The following TNNI1 variants were observed in gnomAD, a reference collection of about 807,000 sequenced individuals.
The protein encoded by TNNI1 is troponin I, slow skeletal muscle.
In TNNI1, 14 loss-of-function variants were observed where a neutral mutation model predicts 26.7. The observed-to-expected ratio is 0.52, with a 90% CI of 0.35 to 0.82. The LOEUF (loss-of-function observed/expected upper bound fraction) is 0.82, where lower values mean the gene tolerates loss of function less well. TNNI1 is among the 40% of genes least tolerant of loss of function. TNNI1 has a pLI of 0.01. For synonymous variants in TNNI1, 79 were observed against 98.2 expected, an observed-to-expected ratio of 0.80 and a Z score of 1.16; for missense variants, 164 against 257.0, an observed-to-expected ratio of 0.64 and a Z score of 2.47.
intron 8 of TNNI1, 110 bp from the exon 9 acceptor site, chr1:201,409,360 G>A (rs12048410): frequency 0.16 from 24,818 of 152,174 alleles, 2,074 homozygotes; most frequent in East Asian, 0.26. Context: ...CAGCCCTAGC[G>A]CACCCCGGAC....
chr1:201,421,553 C>G (rs1037599366), intron 1 of TNNI1, 120 bp downstream of exon 1: 1 of 152,226 alleles, frequency 6.6e-6, no homozygotes. Context: ...AACAAACCAA[C>G]TGCACAGGCA....
rs972578039 is a variant in TNNI1 at position 201,403,846 on chromosome 1, G to C, written c.*5407C>G. On this transcript the variant is annotated 3_prime_UTR_variant, in exon 9 of 9. Coordinates refer to ENST00000361379, the MANE Select transcript of TNNI1 (RefSeq NM_003281.4). Reference sequence around the variant, plus strand: ...GTAGTAACATTATGAAGAGAACCAAGAGAATAACAAACACAAAATTGAGGA... The same window carrying C: ...GTAGTAACATTATGAAGAGAACCAACAGAATAACAAACACAAAATTGAGGA... 1 of 152,164 alleles carries C rather than the reference G, an allele frequency of 6.6e-6. No homozygotes were observed. Among genetic ancestry groups the C allele is most frequent in the Non-Finnish European group, 1.5e-5 (1 of 68,028 alleles). 9.4% of individuals were successfully genotyped at this position (152,164 alleles called of 1,614,324 possible).
intron 6 of TNNI1, 81 bp downstream of exon 6, chr1:201,412,951 G>A (rs1662663716): frequency 3.6e-6 from 5 of 1,406,832 alleles, no homozygotes; most frequent in Non-Finnish European, 4.0e-6. Context: ...GGAAGGAGGG[G>A]ACCTCCCATG....
At chr1:201,414,036 TA>T (rs1662688336) in intron 5 of TNNI1, among the ~76,000 whole-genome samples, 1 of 152,204 alleles carries the variant, frequency 6.6e-6, no homozygotes, top group South Asian at 2.1e-4. Context: ...ACAAAAATAA[TA>T]AAAATTAAAA....
rs930215440 is a variant in TNNI1, at chr1:201,405,957, G to A, written c.*3296C>T. 1.3e-5 allele frequency: 2 copies of A among 152,486 alleles called. No individual in the cohort carries two copies. The highest frequency in any genetic ancestry group is 4.8e-5 in the African/African-American group (2 of 41,470). The allele number at this position is 152,486 out of a possible 1,614,324, so 9.4% of individuals were successfully genotyped here. On this transcript the variant is annotated 3_prime_UTR_variant, in exon 9 of 9. Transcript: ENST00000361379. ...CACCCTATCCCTCCACTCTCAGCCA[G>A]GGCCCCATGTTGGAGGAAGGCCTCA...
At position 201,405,098 on chromosome 1, in the gene TNNI1, T is replaced by A. The variant is rs1323808696; in HGVS notation, c.*4155A>T. The stretch of plus-strand genomic sequence containing the variant: ...GAGATGGGCAGCCTGTTCAGATCCC[T>A]GGGCGTTTGCCTCTGGCCAGGAGAC... On this transcript the variant is annotated 3_prime_UTR_variant, in exon 9 of 9. Transcript: ENST00000361379. The A allele has an allele frequency of 6.6e-6, 1 of 152,318 alleles. No individual in the cohort carries two copies. The highest frequency in any genetic ancestry group is 1.5e-5 in the Non-Finnish European group (1 of 68,076). The allele number at this position is 152,318 out of a possible 1,614,324, so 9.4% of individuals were successfully genotyped here. A position where few individuals can be genotyped will look rare whatever the true frequency, so the allele number is the denominator to read the frequency against.
intron 4 of TNNI1, among the ~76,000 whole-genome samples, chr1:201,414,853 C>A (rs539268356): frequency 1.3e-5 from 2 of 152,244 alleles, no homozygotes; most frequent in Non-Finnish European, 2.9e-5. Context: ...TTGTTTTCCC[C>A]GGACAGTCTT....
At chr1:201,414,359 G>A (rs1057507816) in intron 5 of TNNI1, among the ~76,000 whole-genome samples, 159 bp downstream of exon 5, 1 of 152,224 alleles carries the variant, frequency 6.6e-6, no homozygotes, top group Non-Finnish European at 1.5e-5. Flanking sequence ...CACCTCACAG[G>A]TGGTTGTGAA....
intron 8 of TNNI1, chr1:201,410,123 G>A (rs183700090): frequency 2.4e-5 from 12 of 507,272 alleles, no homozygotes; most frequent in Admixed American, 1.0e-4. Flanking sequence ...AAAAAGGGCC[G>A]CCAAACAGAA....
At chr1:201,418,340 C>T (rs543476980) in intron 1 of TNNI1, among the ~76,000 whole-genome samples, 155 of 151,874 alleles carry the variant, frequency 1.0e-3, no homozygotes, top group Non-Finnish European at 1.8e-3. Context: ...TGGTGGTGCA[C>T]GCCTATAGTC....
intron 3 of TNNI1, among the ~76,000 whole-genome samples, chr1:201,416,606 G>A (rs919352914): frequency 2.6e-5 from 4 of 152,200 alleles, no homozygotes; most frequent in Admixed American, 6.5e-5. Flanking sequence ...TAAGTCTGGA[G>A]TGTATAGAAT....
chr1:201,420,965 T>C (rs1662846531), intron 1 of TNNI1, among the ~76,000 whole-genome samples: 1 of 152,170 alleles, frequency 6.6e-6, no homozygotes, highest in Admixed American at 6.5e-5. Context: ...CACTGGCTCC[T>C]GTGCCCCAAC....
rs1220244602 is a variant in TNNI1, at chr1:201,413,046, G to A, written c.265C>T (p.His89Tyr). 6.2e-7 allele frequency: 1 copy of A among 1,614,030 alleles called. No individual in the cohort carries two copies. The highest frequency in any genetic ancestry group is 8.5e-7 in the Non-Finnish European group (1 of 1,179,922). ...ERYDIEAKCL[H>Y]NTREIKDLKL... The stretch of plus-strand genomic sequence containing the variant: ...CTTAGACTCACCTCCCTGGTGTTGT[G>A]GAGGCATTTGGCCTCAATGTCGTAT... Residue 89 changes from histidine to tyrosine, a missense_variant, in exon 6 of 9, where the codon CAC becomes TAC. By Grantham distance (83) the His-to-Tyr change is moderately conservative. Transcript: ENST00000361379.
chr1:201,420,030 C>T (rs1662826161), intron 1 of TNNI1, among the ~76,000 whole-genome samples: 1 of 152,230 alleles, frequency 6.6e-6, no homozygotes, highest in African/African-American at 2.4e-5. Context: ...TCCAGGAATG[C>T]CAGTGTCCAG....
intron 1 of TNNI1, among the ~76,000 whole-genome samples, chr1:201,419,276 G>T (rs1330499012): frequency 6.6e-6 from 1 of 152,242 alleles, no homozygotes; most frequent in Non-Finnish European, 1.5e-5. Flanking sequence ...CAAAGAGGGG[G>T]TCCGTGAGGC....
intron 3 of TNNI1, among the ~76,000 whole-genome samples, chr1:201,415,516 T>A (rs895751917): frequency 6.6e-6 from 1 of 152,320 alleles, no homozygotes; most frequent in Middle Eastern, 3.4e-3. Context: ...TAAGATACTA[T>A]GAGGGCCACA....
At chr1:201,415,126 C>T (rs1224282629) in intron 4 of TNNI1, 87 bp downstream of exon 4, 8 of 1,249,676 alleles carry the variant, frequency 6.4e-6, no homozygotes, top group African/African-American at 1.5e-5. Flanking sequence ...TTCTCCTTGC[C>T]ATAATCCTCC....
Position 201,406,482 on chromosome 1 carries a change from G to A in TNNI1, c.*2771C>T, listed in dbSNP as rs1414258338. The A allele has an allele frequency of 1.3e-5, 2 of 152,218 alleles. No homozygotes were observed. The highest frequency in any genetic ancestry group is 1.9e-4 in the East Asian group (1 of 5,194). The allele number at this position is 152,218 out of a possible 1,614,324, so 9.4% of individuals were successfully genotyped here. On this transcript the variant is annotated 3_prime_UTR_variant, in exon 9 of 9. Transcript: ENST00000361379. The stretch of plus-strand genomic sequence containing the variant: ...GCCTCAGTTTTCCCCACTGTACCAT[G>A]AGAATAGTAGCTGTACCTTTCTCCT...
At position 201,411,481 on chromosome 1, in the gene TNNI1, G is replaced by A. The variant is rs1023922407; in HGVS notation, c.332C>T (p.Pro111Leu). The change falls in exon 7 of 9, where the codon CCG (proline) becomes CTG (leucine). Residue 111 changes from proline to leucine, a missense_variant. Around this residue, in one of 3 missense-constraint regions of TNNI1, gnomAD observed 117 missense variants for 158.7 expected, o/e 0.74. Transcript: ENST00000361379. The surrounding 1 kb of genome is among the most constrained non-coding windows in gnomAD (Gnocchi z 4.6). The stretch of plus-strand genomic sequence containing the variant: ...CGAGACACGGACTCGACGCAGGGGC[G>A]GGCGCTTGAACTTCCCACGGAGGTC... ...VMDLRGKFKR[P>L]PLRRVRVSAD... 15 of 1,611,808 alleles carry A rather than the reference G, an allele frequency of 9.3e-6. No individual in the cohort carries two copies. Among genetic ancestry groups the A allele is most frequent in the Non-Finnish European group, 1.3e-5 (15 of 1,179,184 alleles).
Sources: allele counts gnomAD v4.1 joint callset (sites outside exome capture counted in the v4.1 genomes callset), GRCh38; gene constraint gnomAD v4.1.1; regional missense constraint gnomAD v4.1.1; non-coding constraint Gnocchi (gnomAD v3.1); transcripts MANE v1.5; gene names NCBI Gene and HGNC (gene_info 2026-07-23, HGNC 2026-07-21).